Variants in EPX observed in about 807,000 individuals in gnomAD.
EPX encodes the protein eosinophil peroxidase.
Under a neutral mutation model 73.0 loss-of-function variants are expected in EPX, and 60 were observed. The observed-to-expected ratio is 0.82, with a 90% CI of 0.67 to 1.02. The LOEUF is 1.02. Among genes scored for constraint, EPX ranks in the 50% least tolerant of loss-of-function variants. EPX has a pLI of 0.00. For synonymous variants in EPX, 347 were observed against 389.2 expected (o/e 0.89, Z 1.28); for missense variants, 950 against 973.9 (o/e 0.98, Z 0.33).
At chr17:58,199,253 G>A in intron 8 of EPX, 53 bp downstream of exon 8, 1 of 1,585,450 alleles carries the variant, frequency 6.3e-7, no homozygotes, top group Non-Finnish European at 8.6e-7. Flanking sequence ...GGCATGAGAA[G>A]CAGTCCTTAA....
intron 6 of EPX, among the ~76,000 whole-genome samples, 172 bp downstream of exon 6, chr17:58,195,342 G>A (rs1968241444): frequency 6.6e-6 from 1 of 152,212 alleles, no homozygotes; most frequent in Non-Finnish European, 1.5e-5. Flanking sequence ...CGCGCCGTGT[G>A]TGTTTGAGAG....
chr17:58,194,103 G>A lies in EPX; in HGVS notation c.594+11G>A. The A allele has an allele frequency of 1.2e-6, 2 of 1,612,844 alleles. No homozygotes were observed. Among genetic ancestry groups the A allele is most frequent in the African/African-American group, 2.7e-5 (2 of 75,050 alleles). On this transcript the variant is annotated intron_variant, in intron 5 of 12. Transcript: ENST00000225371. Reference sequence around the variant, plus strand: ...TTCCTTCTCCCTCTTGTGAGTTGGGGCTGAGGGTTTGGGAGGTTGCTTGAT... The same window carrying A: ...TTCCTTCTCCCTCTTGTGAGTTGGGACTGAGGGTTTGGGAGGTTGCTTGAT...
In EPX at chr17:58,193,444, G is replaced by A; in HGVS notation, c.244G>A (p.Ala82Thr). The A allele has an allele frequency of 6.2e-7, 1 of 1,614,138 alleles. No individual in the cohort carries two copies. Among genetic ancestry groups the A allele is most frequent in the Non-Finnish European group, 8.5e-7 (1 of 1,179,990 alleles). ...LLSYFKQPVA[A>T]TRTVVRAADY... ...GTCCTACTTCAAACAACCGGTAGCA[G>A]CCACCAGGACAGTTGTTCGGGCCGC... is the stretch of plus-strand genomic sequence containing the variant. Residue 82 changes from alanine to threonine, a missense_variant, in exon 3 of 13, where the codon GCC becomes ACC. Physicochemically the swap from Ala to Thr is moderately conservative, Grantham distance 58. Transcript: ENST00000225371.
chr17:58,195,292 A>G (rs1433244945), intron 6 of EPX, 122 bp downstream of exon 6: 2 of 810,936 alleles, frequency 2.5e-6, no homozygotes, highest in African/African-American at 1.7e-5. Flanking sequence ...GAGCTAGGGT[A>G]TGAGACAGAG....
At position 58,204,204 on chromosome 17, in the gene EPX, C is replaced by T. The variant is rs1209096197; in HGVS notation, c.1947-18C>T. ...ATTCCTCCCCAGCCTTCACCCACAT[C>T]TCTCGACTGCCTGGTAGGTTCTGGT... On this transcript the variant is annotated intron_variant, in intron 11 of 12. Coordinates refer to ENST00000225371, the MANE Select transcript of EPX (RefSeq NM_000502.6). 1 of 1,602,156 alleles carries T rather than the reference C, an allele frequency of 6.2e-7. No individual in the cohort carries two copies. The highest frequency in any genetic ancestry group is 8.6e-7 in the Non-Finnish European group (1 of 1,169,264).
chr17:58,204,638 A>G (rs1437020290), intron 12 of EPX, 98 bp from the exon 13 acceptor site: 1 of 586,974 alleles, frequency 1.7e-6, no homozygotes, highest in Non-Finnish European at 3.0e-6. Context: ...AATTAGGAGC[A>G]TCCAACTATC....
In EPX at chr17:58,197,100, C is replaced by G; in HGVS notation, c.963C>G (p.Leu321=). The change falls in exon 7 of 13, where the codon CTC becomes CTG. Residue 321 remains leucine (L), a synonymous_variant. Transcript: ENST00000225371. ...TGGTGTATGGCAGTGAGGTCTCCCT[C>G]TCGCTGCGGCTCCGCAACCGGACCA... is the stretch of plus-strand genomic sequence containing the variant. ...ASMVYGSEVS[L]SLRLRNRTNY... The G allele has an allele frequency of 6.2e-7, 1 of 1,614,250 alleles. No individual in the cohort carries two copies. Among genetic ancestry groups the G allele is most frequent in the Non-Finnish European group, 8.5e-7 (1 of 1,180,052 alleles).
chr17:58,193,924 G>A (rs1567787968), intron 4 of EPX, 39 bp from the exon 5 acceptor site: 1 of 1,612,570 alleles, frequency 6.2e-7, no homozygotes, highest in Non-Finnish European at 8.5e-7. Context: ...CCATCTCCAG[G>A]CCCTGCCCCC....
chr17:58,193,236 A>G, intron 2 of EPX, 105 bp downstream of exon 2: 6 of 1,233,300 alleles, frequency 4.9e-6, no homozygotes, highest in Non-Finnish European at 7.2e-6. Context: ...CCCCATGAAC[A>G]TTTCCTGTTG....
At chr17:58,198,693 C>T (rs759959116) in intron 7 of EPX, among the ~76,000 whole-genome samples, 31 of 152,194 alleles carry the variant, frequency 2.0e-4, no homozygotes, top group Non-Finnish European at 3.8e-4. Flanking sequence ...GCTCTCAGTC[C>T]CAAAGTCAAG....
At chr17:58,196,525 T>C (rs1726939961) in intron 6 of EPX, among the ~76,000 whole-genome samples, 1 of 152,202 alleles carries the variant, frequency 6.6e-6, no homozygotes, top group Non-Finnish European at 1.5e-5. Flanking sequence ...CCTGTGTTTT[T>C]TTAACCTTCA....
At position 58,193,323 on chromosome 17, in the gene EPX, G is replaced by A. The variant is rs982359851; in HGVS notation, c.171-48G>A. The A allele has an allele frequency of 1.6e-5, 25 of 1,595,092 alleles. No individual in the cohort carries two copies. In the East Asian group the frequency reaches 2.7e-4, roughly 17 times the overall value. ...TGCCCCAGGACTGGGTCTCTGCTGG[G>A]TGGGTCTGCACCCTCTCTCCAGCCC... On this transcript the variant is annotated intron_variant, in intron 2 of 12. Transcript: ENST00000225371.
chr17:58,197,108 G>T lies in EPX; in HGVS notation c.971G>T (p.Arg324Leu). ...GGCAGTGAGGTCTCCCTCTCGCTGC[G>T]GCTCCGCAACCGGACCAACTACCTG... ...VYGSEVSLSL[R>L]LRNRTNYLGL... Residue 324 changes from arginine to leucine, a missense_variant, in exon 7 of 13, where the codon CGG becomes CTG. Transcript: ENST00000225371. 6.2e-7 allele frequency: 1 copy of T among 1,614,186 alleles called. No individual in the cohort carries two copies. Among genetic ancestry groups the T allele is most frequent in the Non-Finnish European group, 8.5e-7 (1 of 1,180,040 alleles).
In EPX at chr17:58,193,403, G is replaced by A. The variant is rs1968205190; in HGVS notation, c.203G>A (p.Ser68Asn). 2 of 1,614,220 alleles carry A rather than the reference G, an allele frequency of 1.2e-6. No homozygotes were observed. Among genetic ancestry groups the A allele is most frequent in the Non-Finnish European group, 1.7e-6 (2 of 1,180,042 alleles). Residue 68 changes from serine (S) to asparagine (N), a missense_variant, in exon 3 of 13, where the codon AGC (serine) becomes AAC (asparagine). By Grantham distance (46) the Ser-to-Asn change is conservative (BLOSUM62 1). Coordinates refer to ENST00000225371, the MANE Select transcript of EPX (RefSeq NM_000502.6). Reference sequence around the variant, plus strand: ...CAGCGGCTTCGCAGCGGTTCAGCCAGCCCCATGGACCTCCTGTCCTACTTC... The same window carrying A: ...CAGCGGCTTCGCAGCGGTTCAGCCAACCCCATGGACCTCCTGTCCTACTTC... ...IKQRLRSGSA[S>N]PMDLLSYFKQ...
intron 7 of EPX, among the ~76,000 whole-genome samples, chr17:58,198,435 AG>A (rs1179271544): frequency 1.3e-5 from 2 of 152,158 alleles, no homozygotes; most frequent in African/African-American, 4.8e-5. Context: ...TGCCTTCGGG[AG>A]AGGTCAACTG....
At chr17:58,199,858 G>A in intron 9 of EPX, 64 bp downstream of exon 9, 1 of 1,562,542 alleles carries the variant, frequency 6.4e-7, no homozygotes, top group Non-Finnish European at 8.7e-7. Context: ...CCCTAGGTGG[G>A]CCAAGCTTAC....
intron 10 of EPX, among the ~76,000 whole-genome samples, chr17:58,201,389 T>C (rs894394266): frequency 2.6e-5 from 4 of 151,250 alleles, no homozygotes; most frequent in African/African-American, 9.7e-5. Flanking sequence ...TTCTATTAGG[T>C]TTTGAAGGGA....
Position 58,200,378 on chromosome 17 carries a change from G to A in EPX, c.1691G>A (p.Arg564Gln), listed in dbSNP as rs771084989. 7 of 1,614,062 alleles carry A rather than the reference G, an allele frequency of 4.3e-6. No homozygotes were observed. In the Admixed American group the frequency reaches 8.3e-5, roughly 19 times the overall value. Residue 564 changes from arginine (R) to glutamine (Q), a missense_variant, in exon 10 of 13, where the codon CGG (arginine) becomes CAG (glutamine). By Grantham distance (43) the Arg-to-Gln change is conservative. Transcript: ENST00000225371. ...GCAGCTCTCAACATGCAACGAAGCC[G>A]GGACCACGGCCTTCCAGGTGAGGGG... ...DLAALNMQRS[R>Q]DHGLPGYNAW...
intron 10 of EPX, chr17:58,202,780 C>T (rs1207741016): frequency 7.1e-6 from 3 of 423,110 alleles, no homozygotes; most frequent in African/African-American, 2.0e-5. Flanking sequence ...TGAATGCAGT[C>T]GAGCCCAGTA....
Sources: allele counts gnomAD v4.1 joint callset (sites outside exome capture counted in the v4.1 genomes callset), GRCh38; gene constraint gnomAD v4.1.1; transcripts MANE v1.5; gene names NCBI Gene and HGNC (gene_info 2026-07-23, HGNC 2026-07-21).